IGFBP7: variants seen among roughly 807,000 people sequenced by gnomAD.
The protein encoded by IGFBP7 is insulin like growth factor binding protein 7.
In IGFBP7, 31 loss-of-function variants were observed where a neutral mutation model predicts 29.4. The ratio of observed to expected loss-of-function variants is 1.05; its 90% confidence interval spans 0.79 to 1.42. The LOEUF (loss-of-function observed/expected upper bound fraction) is 1.42. Among genes scored for constraint, IGFBP7 ranks in the 40% most tolerant of loss-of-function variants. The pLI is 0.00. For missense variants in IGFBP7, 393 were observed against 395.5 expected, an observed-to-expected ratio of 0.99 and a Z score of 0.05; for synonymous variants, 172 against 174.9, an observed-to-expected ratio of 0.98 and a Z score of 0.13.
In IGFBP7 at chr4:57,031,228, T is replaced by A. The variant is rs1350739591; in HGVS notation, c.*89A>T. 9.3e-7 allele frequency: 1 copy of A among 1,081,058 alleles called. No individual in the cohort carries two copies. Among genetic ancestry groups the A allele is most frequent in the African/African-American group, 1.6e-5 (1 of 63,666 alleles). 67.0% of individuals were successfully genotyped at this position (1,081,058 alleles called of 1,614,324 possible). On this transcript the variant is annotated 3_prime_UTR_variant, in exon 5 of 5. Transcript: ENST00000295666. Reference sequence around the variant, plus strand: ...GAATATAACTAAAGTGTTAGTGGATTGGATTAAAAGAAACTTATTAGGCAA... The same window carrying A: ...GAATATAACTAAAGTGTTAGTGGATAGGATTAAAAGAAACTTATTAGGCAA...
intron 1 of IGFBP7, among the ~76,000 whole-genome samples, chr4:57,098,276 G>A (rs1725810212): frequency 6.6e-6 from 1 of 152,182 alleles, no homozygotes; most frequent in Non-Finnish European, 1.5e-5. Flanking sequence ...ACTAAGAAAG[G>A]GTTGGTGGGT....
At chr4:57,070,879 G>A (rs1725036331) in intron 1 of IGFBP7, among the ~76,000 whole-genome samples, 1 of 152,324 alleles carries the variant, frequency 6.6e-6, no homozygotes, top group South Asian at 2.1e-4. Context: ...TTGTGGATCA[G>A]TGTTGAATGC....
chr4:57,068,006 A>G (rs910727701), intron 1 of IGFBP7, among the ~76,000 whole-genome samples: 1 of 152,144 alleles, frequency 6.6e-6, no homozygotes, highest in African/African-American at 2.4e-5. Flanking sequence ...GGAATCACTG[A>G]TCTGGAAATA....
intron 1 of IGFBP7, 101 bp from the exon 2 acceptor site, chr4:57,041,034 C>T: frequency 1.3e-6 from 1 of 774,210 alleles, no homozygotes; most frequent in Non-Finnish European, 2.3e-6. Flanking sequence ...GAGGCCATCC[C>T]CTTGATGGAT....
intron 1 of IGFBP7, among the ~76,000 whole-genome samples, chr4:57,076,251 G>T (rs535895131): frequency 6.6e-6 from 1 of 152,296 alleles, no homozygotes; most frequent in South Asian, 2.1e-4. Flanking sequence ...CCATCACACT[G>T]GGGGTTAAAG....
intron 1 of IGFBP7, among the ~76,000 whole-genome samples, chr4:57,090,922 C>A (rs1725623030): frequency 6.6e-6 from 1 of 152,174 alleles, no homozygotes; most frequent in Non-Finnish European, 1.5e-5. Flanking sequence ...TAACATTTTT[C>A]ACAGAAAATG....
chr4:57,043,771 C>T (rs890709584), intron 1 of IGFBP7, among the ~76,000 whole-genome samples: 15 of 152,176 alleles, frequency 9.9e-5, no homozygotes, highest in Admixed American at 2.6e-4. Context: ...CACAGTGGTG[C>T]AGTATTTACG....
intron 1 of IGFBP7, among the ~76,000 whole-genome samples, chr4:57,051,329 C>A (rs1246066680): frequency 1.3e-5 from 2 of 152,180 alleles, no homozygotes; most frequent in Non-Finnish European, 2.9e-5. Flanking sequence ...GTATGGGAAT[C>A]TAGCACACGG....
intron 1 of IGFBP7, among the ~76,000 whole-genome samples, chr4:57,059,793 G>A (rs369032478): frequency 6.6e-6 from 1 of 152,100 alleles, no homozygotes; most frequent in South Asian, 2.1e-4. Flanking sequence ...AAAGAAAAAT[G>A]TCATCTAATC....
intron 1 of IGFBP7, among the ~76,000 whole-genome samples, chr4:57,105,972 T>C (rs1726021807): frequency 6.6e-6 from 1 of 151,030 alleles, no homozygotes; most frequent in South Asian, 2.1e-4. Context: ...AGTGGTGCTA[T>C]CTTGGATCAC....
intron 2 of IGFBP7, among the ~76,000 whole-genome samples, chr4:57,034,490 T>G (rs1296797798): frequency 1.3e-5 from 2 of 152,036 alleles, no homozygotes; most frequent in Admixed American, 6.6e-5. Context: ...CTTTTCATTT[T>G]CTTCTATAAT....
At position 57,110,076 on chromosome 4, in the gene IGFBP7, C is replaced by A. The variant is rs1378641364; in HGVS notation, c.276G>T (p.Lys92Asn). 1 of 1,556,442 alleles carries A rather than the reference C, an allele frequency of 6.4e-7. No individual in the cohort carries two copies. Among genetic ancestry groups the A allele is most frequent in the Non-Finnish European group, 8.6e-7 (1 of 1,157,178 alleles). Residue 92 changes from lysine (K) to asparagine (N), a missense_variant, in exon 1 of 5, where the codon AAG becomes AAT. Lys to Asn is a moderately conservative substitution (Grantham distance 94). Transcript: ENST00000295666. ...CTGCCCCGGCTTTACCCTTCCGCCTCTTGCGGCTCTTCACGCACTCCATGC... is the reference window on the plus strand; with the variant it reads ...CTGCCCCGGCTTTACCCTTCCGCCTATTGCGGCTCTTCACGCACTCCATGC... ...APGMECVKSR[K>N]RRKGKAGAAA...
chr4:57,056,936 C>T (rs1713958), intron 1 of IGFBP7, among the ~76,000 whole-genome samples: 96,533 of 152,022 alleles, frequency 0.63, 31,021 homozygotes, highest in East Asian at 0.9. Flanking sequence ...TTTTTTATTT[C>T]ACTTGAATTA....
rs574014488 is a variant in IGFBP7, at chr4:57,058,327, C to T, written c.476-17394G>A. On this transcript the variant is annotated intron_variant, in intron 1 of 4. Coordinates refer to ENST00000295666, the MANE Select transcript of IGFBP7 (RefSeq NM_001553.3). ...AGGGAACATAAAAAAATGTCAGAGG[C>T]ATCACGTTACTTGACTTCAGACTAT... Among the ~76,000 whole-genome samples, 19 of 152,176 alleles carry T rather than the reference C, an allele frequency of 1.2e-4. No homozygotes were observed. In the South Asian group the frequency reaches 2.5e-3, roughly 20 times the overall value.
At chr4:57,105,300 G>A (rs1725996560) in intron 1 of IGFBP7, among the ~76,000 whole-genome samples, 1 of 152,200 alleles carries the variant, frequency 6.6e-6, no homozygotes, top group African/African-American at 2.4e-5. Flanking sequence ...CCTTGTTTCT[G>A]TGTATCTTAT....
intron 1 of IGFBP7, among the ~76,000 whole-genome samples, chr4:57,053,056 G>A (rs541561845): frequency 4.8e-4 from 64 of 134,504 alleles, no homozygotes; most frequent in African/African-American, 1.6e-3. Context: ...TTACTCTGTC[G>A]CCCAGGCTGG....
intron 1 of IGFBP7, among the ~76,000 whole-genome samples, chr4:57,101,849 T>G (rs1725904860): frequency 6.6e-6 from 1 of 152,224 alleles, no homozygotes; most frequent in Admixed American, 6.5e-5. Context: ...TATCCCCACA[T>G]AAGAGTAAAA....
intron 1 of IGFBP7, among the ~76,000 whole-genome samples, chr4:57,081,028 C>T (rs966890992): frequency 3.9e-5 from 6 of 152,236 alleles, no homozygotes; most frequent in African/African-American, 1.4e-4. Flanking sequence ...TGGTCCTTCT[C>T]ACCTTTCCTT....
chr4:57,072,406 C>A (rs1175352448), intron 1 of IGFBP7, among the ~76,000 whole-genome samples: 1 of 151,996 alleles, frequency 6.6e-6, no homozygotes, highest in Non-Finnish European at 1.5e-5. Flanking sequence ...TGTGGGGTGC[C>A]CCTGTGGTCC....
Sources: gnomAD v4.1 joint callset for allele counts (sites outside exome capture counted in the v4.1 genomes callset) on GRCh38, gnomAD v4.1.1 for gene constraint, MANE v1.5 for transcripts, NCBI Gene and HGNC (gene_info 2026-07-23, HGNC 2026-07-21) for gene names.